LIPA: variants seen among roughly 807,000 people sequenced by gnomAD.
LIPA encodes lysosomal acid lipase/cholesteryl ester hydrolase.
A neutral mutation model predicts 40.6 loss-of-function variants in LIPA; 26 were observed. The observed-to-expected ratio is 0.64, with a 90% CI of 0.47 to 0.89. The LOEUF (loss-of-function observed/expected upper bound fraction) is 0.89. LIPA is among the 40% of genes least tolerant of loss of function. The probability of loss-of-function intolerance (pLI) is 0.00; values close to 1 mark genes in which losing one functional copy is unlikely to be tolerated. For missense variants in LIPA, 455 were observed against 479.6 expected (o/e 0.95, Z 0.48); for synonymous variants, 188 against 168.4 (o/e 1.12, Z -0.90).
Position 89,351,855 on chromosome 10 carries a change from G to C in LIPA, c.61+60936C>G, listed in dbSNP as rs541232573. On this transcript the variant is annotated intron_variant, in intron 2 of 8. Transcript: ENST00000371837. ...GATTCAGACATCTGACATCACAAGG[G>C]CTCTCTAGCAACTAAAAATTGATTT... 2.0e-5 allele frequency among the ~76,000 whole-genome samples: 3 copies of C among 152,226 alleles called. No homozygotes were observed. The East Asian group carries it at 5.8e-4, about 29-fold the overall frequency.
intron 2 of LIPA, chr10:89,383,172 G>T: frequency 1.5e-6 from 1 of 685,490 alleles, no homozygotes; most frequent in Admixed American, 2.9e-5. Context: ...CTTTCCTAAT[G>T]ACATGACTGT....
At chr10:89,409,405 T>C (rs1841453611) in intron 2 of LIPA, among the ~76,000 whole-genome samples, 1 of 152,058 alleles carries the variant, frequency 6.6e-6, no homozygotes, top group Non-Finnish European at 1.5e-5. Flanking sequence ...ATCAGTGTGG[T>C]TTACAAGGAC....
At chr10:89,349,938 C>T (rs1448171396) in intron 2 of LIPA, among the ~76,000 whole-genome samples, 2 of 152,284 alleles carry the variant, frequency 1.3e-5, no homozygotes, top group East Asian at 1.9e-4. Context: ...ATGGTATCCC[C>T]AACCCCTACT....
intron 1 of LIPA, among the ~76,000 whole-genome samples, chr10:89,309,592 G>T (rs546659997): frequency 6.6e-6 from 1 of 152,202 alleles, no homozygotes; most frequent in African/African-American, 2.4e-5. Context: ...GAGGACCCTT[G>T]GTACCTGTGT....
At chr10:89,298,671 A>G (rs111868420) in intron 1 of LIPA, among the ~76,000 whole-genome samples, 3,304 of 152,304 alleles carry the variant, frequency 0.022, 65 homozygotes, top group African/African-American at 0.045. Flanking sequence ...GATCCCAATC[A>G]AAAAGAAATC....
At chr10:89,232,629 G>C (rs969290572) in intron 3 of LIPA, among the ~76,000 whole-genome samples, 1 of 152,196 alleles carries the variant, frequency 6.6e-6, no homozygotes, top group Admixed American at 6.5e-5. Context: ...ATTGAGAGAG[G>C]AGAAGGAGGG....
At chr10:89,316,799 G>C (rs907962030) in intron 1 of LIPA, among the ~76,000 whole-genome samples, 5 of 152,234 alleles carry the variant, frequency 3.3e-5, no homozygotes, top group Admixed American at 6.5e-5. Context: ...ACTCCTCCCT[G>C]AGTAGCCTAA....
chr10:89,226,237 C>A (rs1360351396), intron 5 of LIPA, among the ~76,000 whole-genome samples: 1 of 152,122 alleles, frequency 6.6e-6, no homozygotes, highest in Non-Finnish European at 1.5e-5. Context: ...AACATTCATA[C>A]CTTTCATATA....
At chr10:89,217,250 A>G (rs772400115) in intron 8 of LIPA, among the ~76,000 whole-genome samples, 1 of 152,254 alleles carries the variant, frequency 6.6e-6, no homozygotes, top group East Asian at 1.9e-4. Flanking sequence ...TCAACTGCAT[A>G]CAATTCTACT....
chr10:89,257,837 G>A (rs1181590935), intron 1 of LIPA, among the ~76,000 whole-genome samples: 1 of 152,240 alleles, frequency 6.6e-6, no homozygotes, highest in Non-Finnish European at 1.5e-5. Context: ...AGAGGCTGTG[G>A]CGAGCTGCAG....
rs375168880 is a variant in LIPA, at chr10:89,306,239, G to A, written c.-2+36372C>T. The A allele has an allele frequency of 4.6e-5, 74 of 1,614,006 alleles. No individual in the cohort carries two copies. The highest frequency in any genetic ancestry group is 6.7e-5 in the Admixed American group (4 of 59,988). ...TGACCAGGCAGAAATCAGAAGTCTG[G>A]TCACCTGGGGAAACTATGCCTGGGT... is the stretch of plus-strand genomic sequence containing the variant. On this transcript the variant is annotated intron_variant, in intron 1 of 5. Coordinates refer to the LIPA transcript ENST00000282673.
At chr10:89,382,894 G>A (rs533320770) in intron 2 of LIPA, among the ~76,000 whole-genome samples, 2 of 152,192 alleles carry the variant, frequency 1.3e-5, no homozygotes, top group Non-Finnish European at 2.9e-5. Flanking sequence ...ATGTGTTTAC[G>A]TGTTGAGAAC....
At chr10:89,271,724 A>G (rs1414388099) in intron 1 of LIPA, among the ~76,000 whole-genome samples, 1 of 152,226 alleles carries the variant, frequency 6.6e-6, no homozygotes, top group Non-Finnish European at 1.5e-5. Context: ...GACAAGAACC[A>G]GTGTTTGCCA....
chr10:89,230,276 A>G (rs1212969371), intron 3 of LIPA, among the ~76,000 whole-genome samples: 1 of 152,206 alleles, frequency 6.6e-6, no homozygotes, highest in Non-Finnish European at 1.5e-5. Flanking sequence ...TGGAGCTGAC[A>G]TTATACTGAC....
chr10:89,342,353 C>G (rs1245319092), intron 1 of LIPA: 1 of 152,198 alleles, frequency 6.6e-6, no homozygotes, highest in Non-Finnish European at 1.5e-5. Context: ...AGCCCAGGTC[C>G]AGGGACCTAC....
chr10:89,311,360 CAA>C (rs1191502978), intron 1 of LIPA, among the ~76,000 whole-genome samples: 2 of 150,302 alleles, frequency 1.3e-5, no homozygotes, highest in Non-Finnish European at 3.0e-5. Context: ...CCATCTCTAC[CAA>C]AAAAAATACA....
At chr10:89,352,993 T>C (rs1843968124) in intron 2 of LIPA, among the ~76,000 whole-genome samples, 2 of 152,206 alleles carry the variant, frequency 1.3e-5, no homozygotes, top group Admixed American at 1.3e-4. Context: ...GGTTGCTTCC[T>C]CTGCCCTATC....
At chr10:89,223,036 G>C (rs563400015) in intron 7 of LIPA, among the ~76,000 whole-genome samples, 2 of 151,776 alleles carry the variant, frequency 1.3e-5, no homozygotes, top group South Asian at 4.2e-4. Flanking sequence ...TTGGCCAAGG[G>C]TTTATATTTT....
chr10:89,327,877 T>C (rs1297776565), intron 1 of LIPA: 2 of 548,570 alleles, frequency 3.6e-6, no homozygotes, highest in Non-Finnish European at 3.3e-6. Context: ...TAAATTAGTT[T>C]CACTTTCCAG....
Sources: allele counts gnomAD v4.1 joint callset (sites outside exome capture counted in the v4.1 genomes callset), GRCh38; gene constraint gnomAD v4.1.1; transcripts MANE v1.5; gene names NCBI Gene and HGNC (gene_info 2026-07-23, HGNC 2026-07-21).